PRICKLE1: variants seen among roughly 807,000 people sequenced by gnomAD.
PRICKLE1 encodes the protein prickle planar cell polarity protein 1, also known as prickle-like protein 1.
PRICKLE1 carries 14 observed loss-of-function variants against 70.2 expected under a neutral mutation model. That is an observed-to-expected ratio of 0.20 (90% CI 0.13 to 0.31). The LOEUF (loss-of-function observed/expected upper bound fraction) is 0.31. Among genes scored for constraint, PRICKLE1 ranks in the 10% least tolerant of loss-of-function variants. PRICKLE1 has a pLI of 1.00. For missense variants in PRICKLE1, 821 were observed against 1,026.2 expected (o/e 0.80, Z 2.73); for synonymous variants, 357 against 379.9 (o/e 0.94, Z 0.70).
intron 1 of PRICKLE1, among the ~76,000 whole-genome samples, chr12:42,477,955 C>A (rs1938634523): frequency 7.5e-6 from 1 of 133,136 alleles, no homozygotes. Flanking sequence ...CTGCCCTATA[C>A]TTTTTTTTTT....
At chr12:42,576,899 T>C (rs1402057726) in intron 1 of PRICKLE1, among the ~76,000 whole-genome samples, 2 of 152,212 alleles carry the variant, frequency 1.3e-5, no homozygotes, top group Non-Finnish European at 2.9e-5. Flanking sequence ...TATGCCAACA[T>C]GTGTTATCAA....
rs780596765 is a variant in PRICKLE1 at position 42,469,489 on chromosome 12, C to T, written c.345G>A (p.Lys115=). ...CATGCATGACTGCTCTGGACAGAAG[C>T]TTAATTGTTCCTCTTCCCAGTGCTT... ...KKEALGRGTI[K]LLSRAVMHAV... is the part of the protein sequence containing the mutation. Residue 115 remains lysine (K), a synonymous_variant, in exon 4 of 8, where the codon AAG becomes AAA. Coordinates refer to ENST00000345127, the MANE Select transcript of PRICKLE1 (RefSeq NM_153026.3). 6.2e-7 allele frequency: 1 copy of T among 1,614,196 alleles called. No individual in the cohort carries two copies. The highest frequency in any genetic ancestry group is 1.1e-5 in the South Asian group (1 of 91,080).
At chr12:42,533,973 T>C (rs1474449368) in intron 1 of PRICKLE1, among the ~76,000 whole-genome samples, 3 of 152,176 alleles carry the variant, frequency 2.0e-5, no homozygotes, top group African/African-American at 7.2e-5. Context: ...ACATTCCTCA[T>C]TGTATCCTCA....
At chr12:42,482,897 G>A (rs1327536253) in intron 1 of PRICKLE1, 6 of 152,204 alleles carry the variant, frequency 3.9e-5, no homozygotes, top group Admixed American at 2.6e-4. Context: ...CCTCAGAGCG[G>A]GCGTCGGCGC....
At chr12:42,502,711 G>A (rs534239113) in intron 1 of PRICKLE1, among the ~76,000 whole-genome samples, 4 of 152,266 alleles carry the variant, frequency 2.6e-5, no homozygotes, top group East Asian at 3.9e-4. Flanking sequence ...GAGCAGACGC[G>A]GGAAAGGGCC....
At chr12:42,490,561 A>G (rs1002551799) in intron 1 of PRICKLE1, among the ~76,000 whole-genome samples, 2 of 152,234 alleles carry the variant, frequency 1.3e-5, no homozygotes, top group East Asian at 3.8e-4. Flanking sequence ...ACCAGATGGC[A>G]AGAGTCTCAA....
chr12:42,518,237 T>C (rs756923340), intron 1 of PRICKLE1, among the ~76,000 whole-genome samples: 2 of 151,822 alleles, frequency 1.3e-5, no homozygotes, highest in Non-Finnish European at 2.9e-5. Context: ...AGAGATGGGG[T>C]TTCAACATGT....
At chr12:42,573,125 T>C in intron 1 of PRICKLE1, among the ~76,000 whole-genome samples, 1 of 152,178 alleles carries the variant, frequency 6.6e-6, no homozygotes, top group Non-Finnish European at 1.5e-5. Flanking sequence ...CTGTACTCAC[T>C]TACACTAAAA....
chr12:42,494,834 C>T (rs536957864), intron 1 of PRICKLE1, among the ~76,000 whole-genome samples: 28 of 147,776 alleles, frequency 1.9e-4, no homozygotes, highest in African/African-American at 3.5e-4. Context: ...AGCAATTCCT[C>T]GTCTGATAAA....
At chr12:42,483,152 C>G (rs1938865381) in intron 1 of PRICKLE1, 1 of 152,962 alleles carries the variant, frequency 6.5e-6, no homozygotes, top group South Asian at 2.1e-4. Flanking sequence ...CCCCGTTACC[C>G]TCCTCCAGCA....
intron 1 of PRICKLE1, among the ~76,000 whole-genome samples, chr12:42,498,741 ATCATTAG>A (rs1389661430): frequency 3.3e-5 from 5 of 152,216 alleles, no homozygotes; most frequent in African/African-American, 4.8e-5. Context: ...CTCTGTCTCC[ATCATTAG>A]TCAGACCTCA....
intron 1 of PRICKLE1, among the ~76,000 whole-genome samples, chr12:42,510,394 A>C (rs910874815): frequency 2.0e-5 from 3 of 151,942 alleles, no homozygotes; most frequent in African/African-American, 7.2e-5. Context: ...GTGCTCGGCT[A>C]TTAAGACAAT....
chr12:42,506,732 C>G (rs1296360154), intron 1 of PRICKLE1, among the ~76,000 whole-genome samples: 1 of 151,634 alleles, frequency 6.6e-6, no homozygotes, highest in African/African-American at 2.4e-5. Flanking sequence ...ACCACCATGC[C>G]CGGCTAATTT....
chr12:42,539,312 C>T (rs1410751744), intron 1 of PRICKLE1, among the ~76,000 whole-genome samples: 3 of 151,582 alleles, frequency 2.0e-5, no homozygotes, highest in Non-Finnish European at 4.4e-5. Flanking sequence ...CTAAAAAATA[C>T]AAAAAATTAG....
chr12:42,542,226 G>A (rs1189564487), intron 1 of PRICKLE1, among the ~76,000 whole-genome samples: 1 of 152,084 alleles, frequency 6.6e-6, no homozygotes, highest in Non-Finnish European at 1.5e-5. Context: ...CCAAGATATG[G>A]CTTGTGTGGT....
chr12:42,465,767 C>A, intron 6 of PRICKLE1: 1 of 296,168 alleles, frequency 3.4e-6, no homozygotes, highest in Non-Finnish European at 6.4e-6. Flanking sequence ...ACGTAAGCTC[C>A]TAATCTTGAG....
At chr12:42,504,536 T>C (rs1386326426) in intron 1 of PRICKLE1, among the ~76,000 whole-genome samples, 3 of 152,206 alleles carry the variant, frequency 2.0e-5, no homozygotes, top group African/African-American at 7.2e-5. Flanking sequence ...ATGAGTTTTG[T>C]TGAAACTGCT....
intron 5 of PRICKLE1, among the ~76,000 whole-genome samples, chr12:42,468,053 CAG>C (rs1340485560): frequency 2.0e-5 from 3 of 152,092 alleles, no homozygotes; most frequent in African/African-American, 4.8e-5. Flanking sequence ...ACGTTAGTGT[CAG>C]GGGAAGCTGG....
chr12:42,527,902 T>C (rs1939832636), intron 1 of PRICKLE1, among the ~76,000 whole-genome samples: 1 of 138,590 alleles, frequency 7.2e-6, no homozygotes, highest in Non-Finnish European at 1.5e-5. Context: ...CTGGAGTTTA[T>C]ATATACTCTT....
Sources: allele counts gnomAD v4.1 joint callset (sites outside exome capture counted in the v4.1 genomes callset), GRCh38; gene constraint gnomAD v4.1.1; transcripts MANE v1.5; gene names NCBI Gene and HGNC (gene_info 2026-07-23, HGNC 2026-07-21).